The following ABLIM2 variants were observed in gnomAD, a reference collection of about 807,000 sequenced individuals.
ABLIM2 encodes actin binding LIM protein family member 2.
In ABLIM2, 53 loss-of-function variants were observed where a neutral mutation model predicts 97.7. The ratio of observed to expected loss-of-function variants is 0.54; its 90% CI spans 0.44 to 0.68. The LOEUF is 0.68. Among genes scored for constraint, ABLIM2 ranks in the 30% least tolerant of loss-of-function variants. The pLI is 0.00. For synonymous variants in ABLIM2, 361 were observed against 345.8 expected (o/e 1.04, Z -0.49); for missense variants, 835 against 867.2 (o/e 0.96, Z 0.47).
At position 8,019,822 on chromosome 4, in the gene ABLIM2, C is replaced by G; in HGVS notation, c.1370-151G>C. ...CTGGCACCCAGCGAGCGACAGACAC[C>G]CAGGCCCCAGATCAAGCCTCCCTGA... On this transcript the variant is annotated intron_variant, in intron 13 of 20. Transcript: ENST00000447017. This position sits in a 1 kb window ranked among gnomAD's most constrained non-coding sequence, Gnocchi z 4.3. The G allele has an allele frequency of 1.3e-6, 1 of 762,744 alleles. No individual in the cohort carries two copies. The highest frequency in any genetic ancestry group is 2.6e-5 in the Admixed American group (1 of 37,844). The allele number at this position is 762,744 out of a possible 1,614,324, so 47.2% of individuals were successfully genotyped here. A position where few individuals can be genotyped will look rare whatever the true frequency, so the allele number is the denominator to read the frequency against.
At chr4:8,057,996 G>T (rs1281788521) in intron 7 of ABLIM2, among the ~76,000 whole-genome samples, 2 of 152,244 alleles carry the variant, frequency 1.3e-5, no homozygotes, top group Non-Finnish European at 2.9e-5. Context: ...AGAAATCCAA[G>T]TTAGGAGAGG....
rs1053476521 is a variant in ABLIM2, at chr4:8,063,284, C to A, written c.676-2230G>T. 6.6e-5 allele frequency among the ~76,000 whole-genome samples: 10 copies of A among 152,204 alleles called. No individual in the cohort carries two copies. In the South Asian group the frequency reaches 1.2e-3, roughly 19 times the overall value. ...TTTCACCATTGTTGGCCAGGATGGT[C>A]TCAATCTCTTGACCTTGTGATCTGC... On this transcript the variant is annotated intron_variant, in intron 6 of 20. Transcript: ENST00000447017.
At chr4:8,097,617 C>T (rs1832387033) in intron 2 of ABLIM2, among the ~76,000 whole-genome samples, 1 of 152,182 alleles carries the variant, frequency 6.6e-6, no homozygotes, top group Non-Finnish European at 1.5e-5. Context: ...CAGGGATGGT[C>T]CCTGAGCCCC....
intron 16 of ABLIM2, among the ~76,000 whole-genome samples, chr4:8,006,285 T>C (rs1761256595): frequency 6.6e-6 from 1 of 152,138 alleles, no homozygotes; most frequent in Non-Finnish European, 1.5e-5. Flanking sequence ...CACCCCCCTC[T>C]CTTAGTCCTG....
rs1294618267 is a variant in ABLIM2 at position 8,082,378 on chromosome 4, T to C, written c.455-1576A>G. Reference sequence around the variant, plus strand: ...CTTGGTGCCTGCCCGGATCCAGTGCTAATTTACACAGAAGACCTGGCCCAA... The same window carrying C: ...CTTGGTGCCTGCCCGGATCCAGTGCCAATTTACACAGAAGACCTGGCCCAA... On this transcript the variant is annotated intron_variant, in intron 4 of 20. Coordinates refer to ENST00000447017, the MANE Select transcript of ABLIM2 (RefSeq NM_001130083.2). This position sits in a 1 kb window ranked among gnomAD's most constrained non-coding sequence, Gnocchi z 5.6. Among the ~76,000 whole-genome samples, 5 of 152,292 alleles carry C rather than the reference T, an allele frequency of 3.3e-5. No individual in the cohort carries two copies. Among genetic ancestry groups the C allele is most frequent in the African/African-American group, 1.2e-4 (5 of 41,558 alleles).
chr4:7,983,831 G>A (rs538255386), intron 18 of ABLIM2, among the ~76,000 whole-genome samples: 31 of 152,240 alleles, frequency 2.0e-4, no homozygotes, highest in Non-Finnish European at 4.6e-4. Flanking sequence ...CAGCTGTGAT[G>A]CTGTCTCTCT....
intron 10 of ABLIM2, among the ~76,000 whole-genome samples, chr4:8,035,274 C>A (rs182287839): frequency 6.6e-6 from 1 of 152,252 alleles, no homozygotes; most frequent in East Asian, 1.9e-4. Flanking sequence ...CCCTGCACAG[C>A]CCTTGAGCTT....
rs1234545177 is a variant in ABLIM2 at position 8,130,072 on chromosome 4, C to A, written c.11-23435G>T. On this transcript the variant is annotated intron_variant, in intron 1 of 20. Transcript: ENST00000447017. This position sits in a 1 kb window ranked among gnomAD's most constrained non-coding sequence, Gnocchi z 4.2. ...AGAAGGAGCCTCAGATTCCCCTGGC[C>A]TCCAGCCTGCTGTTCACCCCTAAGC... Among the ~76,000 whole-genome samples, 1 of 152,246 alleles carries A rather than the reference C, an allele frequency of 6.6e-6. No individual in the cohort carries two copies. Among genetic ancestry groups the A allele is most frequent in the Non-Finnish European group, 1.5e-5 (1 of 68,046 alleles).
rs1324343653 is a variant in ABLIM2 at position 8,021,079 on chromosome 4, C to T, written c.1268-776G>A. ...CCACGTTGCCCTGGCTGGTCTTGAACTCCTGGGCTCAAGCAATCTGCCCAC... is the reference window on the plus strand; with the variant it reads ...CCACGTTGCCCTGGCTGGTCTTGAATTCCTGGGCTCAAGCAATCTGCCCAC... On this transcript the variant is annotated intron_variant, in intron 12 of 20. Coordinates refer to ENST00000447017, the MANE Select transcript of ABLIM2 (RefSeq NM_001130083.2). The surrounding 1 kb of genome is among the most constrained non-coding windows in gnomAD (Gnocchi z 5.5). 6.6e-6 allele frequency among the ~76,000 whole-genome samples: 1 copy of T among 152,008 alleles called. No homozygotes were observed.
In ABLIM2 at chr4:8,128,183, C is replaced by T. The variant is rs374440444; in HGVS notation, c.11-21546G>A. On this transcript the variant is annotated intron_variant, in intron 1 of 20. Coordinates refer to ENST00000447017, the MANE Select transcript of ABLIM2 (RefSeq NM_001130083.2). The surrounding 1 kb of genome is among the most constrained non-coding windows in gnomAD (Gnocchi z 4.9). ...GCCCCCACCTTCACAGGCCGTCTTC[C>T]CTGTGTGTCTCTGCGTGTCCTTTTT... Among the ~76,000 whole-genome samples, 1 of 152,154 alleles carries T rather than the reference C, an allele frequency of 6.6e-6. No homozygotes were observed. Among genetic ancestry groups the T allele is most frequent in the East Asian group, 1.9e-4 (1 of 5,190 alleles).
Position 8,155,309 on chromosome 4 carries a change from G to A in ABLIM2, c.10+3371C>T, listed in dbSNP as rs1714943770. Reference sequence around the variant, plus strand: ...ATTGCCCATTCTTGGATTAGGTGAAGAAATGTGTCTCTGTTCCAAATACTA... The same window carrying A: ...ATTGCCCATTCTTGGATTAGGTGAAAAAATGTGTCTCTGTTCCAAATACTA... On this transcript the variant is annotated intron_variant, in intron 1 of 20. Coordinates refer to ENST00000447017, the MANE Select transcript of ABLIM2 (RefSeq NM_001130083.2). This position sits in a 1 kb window ranked among gnomAD's most constrained non-coding sequence, Gnocchi z 4.2. Among the ~76,000 whole-genome samples the A allele has an allele frequency of 6.6e-6, 1 of 152,184 alleles. No homozygotes were observed. The highest frequency in any genetic ancestry group is 2.4e-5 in the African/African-American group (1 of 41,446).
chr4:8,061,372 A>G lies in ABLIM2; in HGVS notation c.676-318T>C, dbSNP rs543485381. Among the ~76,000 whole-genome samples, 376 of 151,974 alleles carry G rather than the reference A, an allele frequency of 2.5e-3. No individual in the cohort carries two copies. Among genetic ancestry groups the G allele is most frequent in the Non-Finnish European group, 4.5e-3 (306 of 67,944 alleles). On this transcript the variant is annotated intron_variant, in intron 6 of 20. Coordinates refer to ENST00000447017, the MANE Select transcript of ABLIM2 (RefSeq NM_001130083.2). This position sits in a 1 kb window ranked among gnomAD's most constrained non-coding sequence, Gnocchi z 4.5. ...CCTTTACCAGGCGGCATCCAGAGAG[A>G]GGTCTTGGTATTTCCAGAGGGAGCG... is the stretch of plus-strand genomic sequence containing the variant.
chr4:8,098,248 C>G (rs1832717493), intron 2 of ABLIM2, among the ~76,000 whole-genome samples: 1 of 152,230 alleles, frequency 6.6e-6, no homozygotes, highest in Non-Finnish European at 1.5e-5. Context: ...TGGGTCCTGC[C>G]TGCTGGGTCA....
chr4:8,065,879 G>A (rs550089029), intron 6 of ABLIM2, among the ~76,000 whole-genome samples: 107 of 150,608 alleles, frequency 7.1e-4, no homozygotes, highest in African/African-American at 2.3e-3. Flanking sequence ...AGCTGAGATC[G>A]CGCCACTGTA....
chr4:7,987,011 C>T (rs1398141408), intron 17 of ABLIM2, among the ~76,000 whole-genome samples: 5 of 152,104 alleles, frequency 3.3e-5, no homozygotes, highest in Non-Finnish European at 4.4e-5. Context: ...GAGACAGAGT[C>T]TGGCTCTGTC....
chr4:8,006,310 C>T lies in ABLIM2; in HGVS notation c.1618+1749G>A, dbSNP rs563171175. Among the ~76,000 whole-genome samples, 5 of 152,296 alleles carry T rather than the reference C, an allele frequency of 3.3e-5. No homozygotes were observed. The East Asian group carries it at 9.7e-4, about 29-fold the overall frequency. On this transcript the variant is annotated intron_variant, in intron 16 of 20. Transcript: ENST00000447017. ...TCTTAGTCCTGAGCCACAGGCAGGC[C>T]ACAAACGTCAGTAGAAATTCTGGGG...
Position 8,095,452 on chromosome 4 carries a change from T to C in ABLIM2, c.338+1647A>G, listed in dbSNP as rs945405818. The stretch of plus-strand genomic sequence containing the variant: ...CACTGAACACTTATAAATTTTACGT[T>C]GTTGAATGCTGGATTTTTAAAAATC... On this transcript the variant is annotated intron_variant, in intron 3 of 20. Transcript: ENST00000447017. This position sits in a 1 kb window ranked among gnomAD's most constrained non-coding sequence, Gnocchi z 4.7. Among the ~76,000 whole-genome samples the C allele has an allele frequency of 3.3e-5, 5 of 152,212 alleles. No individual in the cohort carries two copies. The highest frequency in any genetic ancestry group is 1.2e-4 in the African/African-American group (5 of 41,450).
Position 8,124,567 on chromosome 4 carries a change from G to A in ABLIM2, c.11-17930C>T, listed in dbSNP as rs755472155. Among the ~76,000 whole-genome samples the A allele has an allele frequency of 3.3e-5, 5 of 152,158 alleles. No individual in the cohort carries two copies. Among genetic ancestry groups the A allele is most frequent in the Non-Finnish European group, 7.3e-5 (5 of 68,038 alleles). ...CGTCATGTTTTCAGGGAGTGTCCGT[G>A]GTGTGGTGGGCGTCAGTGCCTCTTT... On this transcript the variant is annotated intron_variant, in intron 1 of 20. Transcript: ENST00000447017. This position sits in a 1 kb window ranked among gnomAD's most constrained non-coding sequence, Gnocchi z 6.1.
chr4:8,037,694 C>T (rs548342734), intron 9 of ABLIM2, among the ~76,000 whole-genome samples: 3 of 152,238 alleles, frequency 2.0e-5, no homozygotes, highest in East Asian at 1.9e-4. Flanking sequence ...CATGCCCACA[C>T]GCACTCACAC....
Sources: allele counts gnomAD v4.1 joint callset (sites outside exome capture counted in the v4.1 genomes callset), GRCh38; gene constraint gnomAD v4.1.1; non-coding constraint Gnocchi (gnomAD v3.1); transcripts MANE v1.5; gene names NCBI Gene and HGNC (gene_info 2026-07-23, HGNC 2026-07-21).